The following XYLB variants were observed in gnomAD, a reference collection of about 807,000 sequenced individuals.
XYLB encodes xylulose kinase.
Under a neutral mutation model 78.7 loss-of-function variants are expected in XYLB, and 62 were observed. The observed-to-expected ratio is 0.79, with a 90% confidence interval of 0.64 to 0.97. XYLB has a LOEUF of 0.97. XYLB is among the 50% of genes least tolerant of loss of function. The probability of loss-of-function intolerance (pLI) is 0.00; values close to 1 mark genes in which losing one functional copy is unlikely to be tolerated. For synonymous variants in XYLB, 245 were observed against 247.4 expected, an observed-to-expected ratio of 0.99 and a Z score of 0.09; for missense variants, 687 against 676.8, an observed-to-expected ratio of 1.02 and a Z score of -0.17.
At position 38,359,619 on chromosome 3, in the gene XYLB, G is replaced by A. The variant is rs934239128; in HGVS notation, c.141-720G>A. On this transcript the variant is annotated intron_variant, in intron 2 of 18. Coordinates refer to ENST00000207870, the MANE Select transcript of XYLB (RefSeq NM_005108.4). ...GTATGATATCACAAATATACACCAC[G>A]ATTTATCTGTTCACTTGTTTAGGGA... is the stretch of plus-strand genomic sequence containing the variant. 9.9e-5 allele frequency among the ~76,000 whole-genome samples: 15 copies of A among 152,152 alleles called. 1 individual carries two copies. Among genetic ancestry groups the A allele is most frequent in the East Asian group, 1.9e-4 (1 of 5,198 alleles).
At chr3:38,448,232 T>G in the XYLB span, among the ~76,000 whole-genome samples, 2 of 147,064 alleles carry the variant, frequency 1.4e-5, no homozygotes. Context: ...CTGGGAGGGG[T>G]GAGTAGGGAG....
intron 15 of XYLB, among the ~76,000 whole-genome samples, chr3:38,389,371 G>A (rs1408414178): frequency 6.1e-5 from 9 of 147,410 alleles, no homozygotes; most frequent in South Asian, 4.4e-4. Context: ...GCAACCATCC[G>A]ATTTCTCAAT....
At chr3:38,428,588 T>C in the XYLB span, among the ~76,000 whole-genome samples, 1 of 152,240 alleles carries the variant, frequency 6.6e-6, no homozygotes, top group Non-Finnish European at 1.5e-5. Context: ...CCTGTTAATA[T>C]TCACTGTTCT....
chr3:38,365,401 G>T, intron 5 of XYLB, 116 bp downstream of exon 5: 3 of 1,373,978 alleles, frequency 2.2e-6, no homozygotes, highest in Non-Finnish European at 3.0e-6. Flanking sequence ...CTCACCAGAA[G>T]AGCTTTCAAC....
chr3:38,419,602 AT>A (rs1467435481), downstream of XYLB, among the ~76,000 whole-genome samples: 21 of 126,842 alleles, frequency 1.7e-4, 2 homozygotes, highest in East Asian at 2.2e-3. Flanking sequence ...ATATATATAT[AT>A]AATAGCCATC....
intron 2 of XYLB, among the ~76,000 whole-genome samples, chr3:38,357,442 A>C (rs1245269497): frequency 1.3e-5 from 2 of 150,148 alleles, no homozygotes; most frequent in African/African-American, 4.9e-5. Flanking sequence ...GCTGGAGTGC[A>C]GTGGCGTGAT....
chr3:38,423,759 G>A (rs1709047512), downstream of XYLB, among the ~76,000 whole-genome samples: 2 of 152,150 alleles, frequency 1.3e-5, no homozygotes, highest in South Asian at 4.1e-4. Context: ...GATATACTTT[G>A]TGCTGCCCCC....
At chr3:38,442,697 T>G in the XYLB span, among the ~76,000 whole-genome samples, 4 of 150,058 alleles carry the variant, frequency 2.7e-5, no homozygotes. Context: ...CTCCTAGAAT[T>G]GGGGTGTTGC....
At chr3:38,427,920 A>G in the XYLB span, among the ~76,000 whole-genome samples, 1 of 152,164 alleles carries the variant, frequency 6.6e-6, no homozygotes, top group East Asian at 1.9e-4. Flanking sequence ...CAAGGTGGAA[A>G]TCTACATAAC....
At chr3:38,421,960 A>G (rs1481913936), downstream of XYLB, among the ~76,000 whole-genome samples, 1 of 152,228 alleles carries the variant, frequency 6.6e-6, no homozygotes, top group Non-Finnish European at 1.5e-5. Flanking sequence ...CAAGCTAGAC[A>G]AGAGGGTGAT....
chr3:38,417,608 A>G (rs1309432629), downstream of XYLB, among the ~76,000 whole-genome samples: 5 of 152,126 alleles, frequency 3.3e-5, no homozygotes, highest in African/African-American at 4.8e-5. Flanking sequence ...TAGCCCAGGC[A>G]TAGTAGCTCA....
chr3:38,393,986 A>G (rs494857), intron 15 of XYLB, among the ~76,000 whole-genome samples: 1 of 152,134 alleles, frequency 6.6e-6, no homozygotes, highest in Non-Finnish European at 1.5e-5. Context: ...TTCTTTTTAA[A>G]ATATTGTCTG....
At chr3:38,419,590 ATATATATATATAT>A (rs1559628730), downstream of XYLB, among the ~76,000 whole-genome samples, 7 of 118,490 alleles carry the variant, frequency 5.9e-5, 1 homozygote, top group African/African-American at 2.0e-4. Flanking sequence ...ATATATATAT[ATATATATATATAT>A]AATAGCCATC....
intron 12 of XYLB, 104 bp downstream of exon 12, chr3:38,375,363 C>T: frequency 2.0e-6 from 2 of 979,578 alleles, no homozygotes; most frequent in East Asian, 2.6e-5. Flanking sequence ...TCTGGAATGA[C>T]TCCCTCCACT....
At chr3:38,442,720 ATTTTTTTTTT>A in the XYLB span, among the ~76,000 whole-genome samples, 1 of 99,196 alleles carries the variant, frequency 1.0e-5, no homozygotes, top group African/African-American at 4.0e-5. Flanking sequence ...GGACTGCTGC[ATTTTTTTTTT>A]TTTTTTTTTT....
chr3:38,402,025 A>T (rs1239693927), intron 18 of XYLB, among the ~76,000 whole-genome samples: 1 of 152,118 alleles, frequency 6.6e-6, no homozygotes, highest in Non-Finnish European at 1.5e-5. Flanking sequence ...ATGATGAACC[A>T]TGATGAACTC....
intron 15 of XYLB, among the ~76,000 whole-genome samples, chr3:38,381,626 G>C (rs1367591384): frequency 2.0e-5 from 3 of 152,216 alleles, no homozygotes; most frequent in African/African-American, 7.2e-5. Flanking sequence ...CCTGCGGGTA[G>C]GTCTCTGAAC....
chr3:38,416,680 A>G (rs1708805606), downstream of XYLB, among the ~76,000 whole-genome samples: 1 of 152,226 alleles, frequency 6.6e-6, no homozygotes, highest in South Asian at 2.1e-4. Context: ...AGATTACAGT[A>G]TCCATATCTG....
intron 1 of XYLB, 99 bp downstream of exon 1, chr3:38,347,024 C>T (rs1453876249): frequency 8.3e-7 from 1 of 1,206,690 alleles, no homozygotes. Context: ...ATGGGCCCGG[C>T]CGCGGGCGCG....
Sources: allele counts gnomAD v4.1 joint callset (sites outside exome capture counted in the v4.1 genomes callset), GRCh38; gene constraint gnomAD v4.1.1; transcripts MANE v1.5; gene names NCBI Gene and HGNC (gene_info 2026-07-23, HGNC 2026-07-21).